The following MYT1L variants were observed in gnomAD, a reference collection of about 807,000 sequenced individuals.
The protein encoded by MYT1L is myelin transcription factor 1 like, also known as myelin transcription factor 1-like protein.
In MYT1L, 12 loss-of-function variants were observed where a neutral mutation model predicts 126.7. The observed-to-expected ratio is 0.09, with a 90% confidence interval of 0.06 to 0.15. The LOEUF (loss-of-function observed/expected upper bound fraction) is 0.15. MYT1L is among the 10% of genes least tolerant of loss of function. MYT1L has a pLI of 1.00. For missense variants in MYT1L, 979 were observed against 1,585.2 expected, an observed-to-expected ratio of 0.62 and a Z score of 6.49; for synonymous variants, 541 against 604.2, an observed-to-expected ratio of 0.90 and a Z score of 1.53.
intron 3 of MYT1L, among the ~76,000 whole-genome samples, chr2:2,077,470 T>G (rs1027914560): frequency 6.6e-6 from 1 of 152,160 alleles, no homozygotes; most frequent in African/African-American, 2.4e-5. Flanking sequence ...GAGAATAGAT[T>G]TGAAACAAAC....
chr2:2,316,417 C>T (rs1271506924), intron 1 of MYT1L, among the ~76,000 whole-genome samples: 1 of 152,190 alleles, frequency 6.6e-6, no homozygotes, highest in Non-Finnish European at 1.5e-5. Context: ...AAATGCATTC[C>T]TGCTTAACCT....
At chr2:2,322,067 T>C (rs1014308754) in intron 1 of MYT1L, among the ~76,000 whole-genome samples, 2 of 152,056 alleles carry the variant, frequency 1.3e-5, no homozygotes, top group Non-Finnish European at 2.9e-5. Flanking sequence ...AAGAGGGGAA[T>C]TATAGTACTC....
At chr2:2,275,814 C>T (rs753920813) in intron 2 of MYT1L, among the ~76,000 whole-genome samples, 4 of 152,224 alleles carry the variant, frequency 2.6e-5, no homozygotes, top group African/African-American at 4.8e-5. Flanking sequence ...TCCACCTTAA[C>T]CTTCCACACA....
chr2:2,065,526 C>A (rs1176313945), intron 3 of MYT1L, among the ~76,000 whole-genome samples: 2 of 152,076 alleles, frequency 1.3e-5, no homozygotes, highest in African/African-American at 4.8e-5. Context: ...TCCCGAGTAG[C>A]CATTTTAATC....
chr2:2,217,424 T>C (rs1216524830), intron 2 of MYT1L, among the ~76,000 whole-genome samples: 1 of 152,088 alleles, frequency 6.6e-6, no homozygotes, highest in Non-Finnish European at 1.5e-5. Context: ...GGCTCATGCC[T>C]GTAATCCCAG....
At chr2:1,988,349 A>G (rs1189568234) in intron 5 of MYT1L, among the ~76,000 whole-genome samples, 1 of 152,194 alleles carries the variant, frequency 6.6e-6, no homozygotes, top group Non-Finnish European at 1.5e-5. Flanking sequence ...TGGGCCCGTG[A>G]TGATACGTGG....
At chr2:1,824,114 CAG>C (rs1212374594) in intron 21 of MYT1L, among the ~76,000 whole-genome samples, 2 of 152,208 alleles carry the variant, frequency 1.3e-5, no homozygotes, top group African/African-American at 4.8e-5. Flanking sequence ...GGATTCTAAA[CAG>C]AGAGTGATTC....
In MYT1L at chr2:1,984,505, ATTT is replaced by A. The variant is rs35510686; in HGVS notation, c.1-4731_1-4729del. On this transcript the variant is annotated intron_variant, in intron 5 of 24. Transcript: ENST00000647738. ...AGCCATGGTACCTGGCCAAGAACTA[ATTT>A]TTTTTTTTTTTTTTTTTTTGAGACA... is the stretch of plus-strand genomic sequence containing the variant. Among the ~76,000 whole-genome samples, 125 of 114,266 alleles carry A rather than the reference ATTT, an allele frequency of 1.1e-3. 1 individual carries two copies. Among genetic ancestry groups the A allele is most frequent in the African/African-American group, 4.3e-3 (117 of 26,918 alleles). The allele number at this position is 114,266 out of a possible 152,430, so 75.0% of individuals were successfully genotyped here. A position where few individuals can be genotyped will look rare whatever the true frequency, so the allele number is the denominator to read the frequency against.
chr2:2,031,451 A>G (rs1040638619), intron 4 of MYT1L, among the ~76,000 whole-genome samples: 2 of 147,424 alleles, frequency 1.4e-5, no homozygotes, highest in African/African-American at 2.5e-5. Context: ...GGCCTTATAC[A>G]CACCCCTCGC....
chr2:2,085,170 T>A (rs1456823173), intron 3 of MYT1L, among the ~76,000 whole-genome samples: 5 of 152,200 alleles, frequency 3.3e-5, no homozygotes, highest in Non-Finnish European at 7.3e-5. Flanking sequence ...AGAGCGCATT[T>A]TTAAATGATG....
At chr2:2,310,468 C>G (rs2095948831) in intron 1 of MYT1L, among the ~76,000 whole-genome samples, 1 of 152,164 alleles carries the variant, frequency 6.6e-6, no homozygotes, top group South Asian at 2.1e-4. Flanking sequence ...GTACACTATA[C>G]TACTCTCTAC....
intron 2 of MYT1L, among the ~76,000 whole-genome samples, chr2:2,226,303 C>T (rs942682408): frequency 1.2e-4 from 18 of 152,156 alleles, no homozygotes; most frequent in African/African-American, 4.3e-4. Flanking sequence ...CTTCCAACAT[C>T]ATAATTGAGG....
At chr2:1,997,382 T>A (rs753425891) in intron 4 of MYT1L, 35 bp from the exon 5 acceptor site, 1 of 152,482 alleles carries the variant, frequency 6.6e-6, no homozygotes, top group Non-Finnish European at 1.5e-5. Flanking sequence ...CAGCACCTCA[T>A]GAATTCATCG....
intron 3 of MYT1L, among the ~76,000 whole-genome samples, chr2:2,168,350 A>G (rs1033971470): frequency 6.6e-6 from 1 of 152,250 alleles, no homozygotes; most frequent in African/African-American, 2.4e-5. Flanking sequence ...GAACATAAAA[A>G]GTAATTCTTT....
At chr2:2,168,226 CAGAGGGATGTGCAGTAAAAA>C (rs2089478718) in intron 3 of MYT1L, among the ~76,000 whole-genome samples, 1 of 152,086 alleles carries the variant, frequency 6.6e-6, no homozygotes, top group African/African-American at 2.4e-5. Context: ...GGCTCCAGGT[CAGAGGGATGTGCAGTAAAAA>C]AGACGGAAGT....
chr2:1,862,946 C>T (rs1418584162), intron 18 of MYT1L, among the ~76,000 whole-genome samples: 1 of 152,138 alleles, frequency 6.6e-6, no homozygotes, highest in Admixed American at 6.5e-5. Flanking sequence ...AGGTGCATTA[C>T]AAATACACCA....
intron 18 of MYT1L, among the ~76,000 whole-genome samples, chr2:1,874,475 C>T (rs2046643776): frequency 6.6e-6 from 1 of 152,198 alleles, no homozygotes; most frequent in Admixed American, 6.5e-5. Flanking sequence ...GGATCCTCTC[C>T]CCTGCTGTGG....
At chr2:1,856,680 T>C (rs2043960679) in intron 18 of MYT1L, among the ~76,000 whole-genome samples, 1 of 152,198 alleles carries the variant, frequency 6.6e-6, no homozygotes, top group Non-Finnish European at 1.5e-5. Flanking sequence ...TATCATCCCA[T>C]CCTCTCTCTT....
At chr2:2,207,600 T>C (rs2093363509) in intron 2 of MYT1L, among the ~76,000 whole-genome samples, 1 of 152,230 alleles carries the variant, frequency 6.6e-6, no homozygotes, top group African/African-American at 2.4e-5. Context: ...GGTTCACCAC[T>C]AAGCCTGGAA....
Sources: allele counts gnomAD v4.1 joint callset (sites outside exome capture counted in the v4.1 genomes callset), GRCh38; gene constraint gnomAD v4.1.1; transcripts MANE v1.5; gene names NCBI Gene and HGNC (gene_info 2026-07-23, HGNC 2026-07-21).